The following MECOM variants were observed in gnomAD, a reference collection of about 807,000 sequenced individuals.
MECOM encodes the protein MDS1 and EVI1 complex locus, also known as histone-lysine N-methyltransferase MECOM.
In MECOM, 13 loss-of-function variants were observed where a neutral mutation model predicts 116.3. The observed-to-expected ratio is 0.11, with a 90% CI of 0.07 to 0.18. MECOM has a LOEUF of 0.18. Among genes scored for constraint, MECOM ranks in the 10% least tolerant of loss-of-function variants. The probability of loss-of-function intolerance (pLI) is 1.00; values close to 1 mark genes in which losing one functional copy is unlikely to be tolerated. For synonymous variants in MECOM, 528 were observed against 535.2 expected (o/e 0.99, Z 0.19); for missense variants, 1,299 against 1,509.0 (o/e 0.86, Z 2.31).
intron 1 of MECOM, among the ~76,000 whole-genome samples, chr3:169,393,284 G>A (rs1030871746): frequency 6.6e-6 from 1 of 152,138 alleles, no homozygotes; most frequent in African/African-American, 2.4e-5. Flanking sequence ...AACCTCCAGT[G>A]GCATGGCACC....
chr3:169,543,928 C>G (rs1041940364), intron 1 of MECOM, among the ~76,000 whole-genome samples: 1 of 152,108 alleles, frequency 6.6e-6, no homozygotes, highest in African/African-American at 2.4e-5. Flanking sequence ...CTCTGTGACC[C>G]AGGCTGGAAT....
At chr3:169,368,566 C>A (rs930961938) in intron 2 of MECOM, among the ~76,000 whole-genome samples, 47 of 152,092 alleles carry the variant, frequency 3.1e-4, no homozygotes, top group African/African-American at 1.1e-3. Flanking sequence ...AACTAGGGAG[C>A]AAAGAAGCTG....
chr3:169,644,796 T>G (rs1773952221), intron 1 of MECOM, among the ~76,000 whole-genome samples: 1 of 152,114 alleles, frequency 6.6e-6, no homozygotes, highest in African/African-American at 2.4e-5. Context: ...AAATGAAATC[T>G]CTCAGAGGTT....
intron 1 of MECOM, among the ~76,000 whole-genome samples, chr3:169,533,821 C>G (rs1373678329): frequency 6.6e-6 from 1 of 152,072 alleles, no homozygotes; most frequent in Non-Finnish European, 1.5e-5. Context: ...CTCTCCAAGT[C>G]CCAGAGCAAG....
intron 2 of MECOM, among the ~76,000 whole-genome samples, chr3:169,354,312 A>T (rs1726874813): frequency 6.6e-6 from 1 of 151,874 alleles, no homozygotes; most frequent in Non-Finnish European, 1.5e-5. Context: ...CTACCCAAGA[A>T]CATGTTAAAT....
chr3:169,503,034 C>T (rs1754724270), intron 1 of MECOM, among the ~76,000 whole-genome samples: 1 of 152,140 alleles, frequency 6.6e-6, no homozygotes, highest in Admixed American at 6.5e-5. Flanking sequence ...TAAGTACTTA[C>T]CACACACCAG....
intron 2 of MECOM, among the ~76,000 whole-genome samples, chr3:169,366,299 T>C (rs1448599091): frequency 6.6e-6 from 1 of 151,896 alleles, no homozygotes; most frequent in Non-Finnish European, 1.5e-5. Flanking sequence ...GAAATTTATA[T>C]GTCAACAACA....
At chr3:169,264,266 T>G (rs1345279287) in intron 2 of MECOM, among the ~76,000 whole-genome samples, 1 of 152,254 alleles carries the variant, frequency 6.6e-6, no homozygotes, top group Non-Finnish European at 1.5e-5. Context: ...GTTGTTGATC[T>G]TTGTTTTTGC....
intron 1 of MECOM, among the ~76,000 whole-genome samples, chr3:169,485,295 G>A (rs775124907): frequency 4.6e-5 from 7 of 152,026 alleles, no homozygotes; most frequent in East Asian, 1.9e-4. Flanking sequence ...GCACCCAGCC[G>A]CTCTTGCTCT....
intron 2 of MECOM, among the ~76,000 whole-genome samples, chr3:169,144,149 G>T (rs1738989524): frequency 6.6e-6 from 1 of 152,070 alleles, no homozygotes; most frequent in African/African-American, 2.4e-5. Flanking sequence ...ATATTGAACA[G>T]CGTATATTAA....
chr3:169,577,551 T>A (rs886382381), intron 1 of MECOM, among the ~76,000 whole-genome samples: 7 of 151,586 alleles, frequency 4.6e-5, no homozygotes, highest in Admixed American at 1.3e-4. Context: ...GAACACCAGA[T>A]GGATGGTTAG....
intron 2 of MECOM, among the ~76,000 whole-genome samples, chr3:169,338,601 G>T (rs544749645): frequency 2.0e-3 from 72 of 36,600 alleles, no homozygotes; most frequent in South Asian, 5.1e-3. Context: ...TATGTTAGGG[G>T]TGTGTGTGTG....
intron 2 of MECOM, among the ~76,000 whole-genome samples, chr3:169,187,895 C>T (rs1420666781): frequency 6.6e-6 from 1 of 152,100 alleles, no homozygotes; most frequent in Admixed American, 6.6e-5. Context: ...CTGGGGCTGT[C>T]TAACTTGTAT....
At position 169,122,709 on chromosome 3, in the gene MECOM, C is replaced by A; in HGVS notation, c.849G>T (p.Leu283=). The A allele has an allele frequency of 6.2e-7, 1 of 1,613,906 alleles. No individual in the cohort carries two copies. Among genetic ancestry groups the A allele is most frequent in the South Asian group, 1.1e-5 (1 of 91,040 alleles). ...TGTATTCCCTCTCTTCAGTATGTGA[C>A]AGCATGTGTTTCTCCAGGCTGTTAA... ...PDLQSLEKHM[L]SHTEEREYKC... is the part of the protein sequence containing the mutation. Residue 283 remains leucine (L), a synonymous_variant, in exon 6 of 17, where the codon CTG becomes CTT. Coordinates refer to ENST00000651503, the MANE Select transcript of MECOM (RefSeq NM_004991.4).
intron 2 of MECOM, among the ~76,000 whole-genome samples, chr3:169,183,757 TACATACACACACAC>T (rs1475483810): frequency 1.9e-3 from 164 of 84,574 alleles, no homozygotes; most frequent in African/African-American, 4.6e-3. Flanking sequence ...AGAAGATACA[TACATACACACACAC>T]ACACACACAC....
chr3:169,515,903 C>A (rs190173058), intron 1 of MECOM, among the ~76,000 whole-genome samples: 2,749 of 152,100 alleles, frequency 0.018, 29 homozygotes, highest in Middle Eastern at 0.037. Context: ...TTTCAAATAC[C>A]AATTTTTTTA....
Position 169,102,108 on chromosome 3 carries a change from G to A in MECOM, c.2723C>T (p.Ala908Val), listed in dbSNP as rs866430541. Reference sequence around the variant, plus strand: ...CTTCCGCAGAAGGTTCTCTGGCAGGGCATTGGGAGGCGCCCTGAAGTTGAA... The same window carrying A: ...CTTCCGCAGAAGGTTCTCTGGCAGGACATTGGGAGGCGCCCTGAAGTTGAA... ...SMFNFRAPPNALPENLLRKGK... is the reference protein window; with the variant it reads ...SMFNFRAPPNVLPENLLRKGK... The change falls in exon 11 of 17, where the codon GCC (alanine) becomes GTC (valine). Residue 908 changes from alanine (A) to valine (V), a missense_variant. Around this residue, in one of 6 missense-constraint regions of MECOM, gnomAD observed 340 missense variants for 312.6 expected, o/e 1.09. Transcript: ENST00000651503. 1.2e-6 allele frequency: 2 copies of A among 1,613,750 alleles called. No homozygotes were observed. Among genetic ancestry groups the A allele is most frequent in the Non-Finnish European group, 1.7e-6 (2 of 1,179,838 alleles).
intron 2 of MECOM, among the ~76,000 whole-genome samples, chr3:169,282,622 G>A (rs182601041): frequency 4.3e-4 from 65 of 152,066 alleles, no homozygotes; most frequent in African/African-American, 1.5e-3. Flanking sequence ...AAATGTGACC[G>A]ACGCTGCCAT....
intron 1 of MECOM, among the ~76,000 whole-genome samples, chr3:169,404,613 A>G (rs918613730): frequency 1.3e-5 from 2 of 152,214 alleles, no homozygotes; most frequent in East Asian, 1.9e-4. Context: ...GGCTGATCCG[A>G]TGGGCCAGTT....
Sources: allele counts gnomAD v4.1 joint callset (sites outside exome capture counted in the v4.1 genomes callset), GRCh38; gene constraint gnomAD v4.1.1; regional missense constraint gnomAD v4.1.1; transcripts MANE v1.5; gene names NCBI Gene and HGNC (gene_info 2026-07-23, HGNC 2026-07-21).